CCDC170: variants seen among roughly 807,000 people sequenced by gnomAD.
CCDC170 encodes coiled-coil domain-containing protein 170.
In CCDC170, 69 loss-of-function variants were observed where a neutral mutation model predicts 72.6. The observed-to-expected ratio is 0.95, with a 90% CI of 0.78 to 1.16. CCDC170 has a LOEUF of 1.16. CCDC170 is among the 50% of genes most tolerant of loss of function. The pLI is 0.00. For missense variants in CCDC170, 852 were observed against 832.5 expected, an observed-to-expected ratio of 1.02 and a Z score of -0.29; for synonymous variants, 300 against 303.9, an observed-to-expected ratio of 0.99 and a Z score of 0.13.
At chr6:151,593,304 G>A (rs777832320) in intron 8 of CCDC170, 24 bp downstream of exon 8, 2 of 1,597,990 alleles carry the variant, frequency 1.3e-6, no homozygotes, top group Non-Finnish European at 1.7e-6. Context: ...AAACTTGCTA[G>A]TATTGAGAGA....
chr6:151,583,072 A>T (rs543463557), intron 6 of CCDC170, among the ~76,000 whole-genome samples: 214 of 139,078 alleles, frequency 1.5e-3, no homozygotes, highest in Non-Finnish European at 2.0e-3. Flanking sequence ...AGCTCACTGC[A>T]ACCTCTGCCT....
chr6:151,604,682 T>G (rs1776758499), intron 9 of CCDC170, among the ~76,000 whole-genome samples: 1 of 152,172 alleles, frequency 6.6e-6, no homozygotes, highest in Non-Finnish European at 1.5e-5. Context: ...GGAGGGGAAG[T>G]GAGCCCAGAC....
chr6:151,570,728 TTAC>T (rs1776207064), intron 5 of CCDC170, among the ~76,000 whole-genome samples: 2 of 152,206 alleles, frequency 1.3e-5, no homozygotes, highest in African/African-American at 2.4e-5. Flanking sequence ...CTGATACTAG[TTAC>T]TCTAATTGAG....
intron 7 of CCDC170, among the ~76,000 whole-genome samples, chr6:151,590,511 G>A (rs375691919): frequency 6.6e-6 from 1 of 152,304 alleles, no homozygotes; most frequent in South Asian, 2.1e-4. Context: ...TGGTAAGGAT[G>A]GATAGTATCA....
intron 1 of CCDC170, among the ~76,000 whole-genome samples, chr6:151,518,281 A>G (rs1782265490): frequency 6.6e-6 from 1 of 152,134 alleles, no homozygotes. Context: ...AAGCCAGCCC[A>G]TCTCCAGGGG....
At chr6:151,585,758 A>T in intron 6 of CCDC170, 131 bp from the exon 7 acceptor site, 1 of 741,064 alleles carries the variant, frequency 1.3e-6, no homozygotes, top group Non-Finnish European at 2.1e-6. Context: ...TACATATTTT[A>T]AATGGGATTT....
intron 7 of CCDC170, among the ~76,000 whole-genome samples, chr6:151,588,304 AAAAC>A (rs151018608): frequency 0.9 from 136,891 of 151,770 alleles, 61,893 homozygotes; most frequent in East Asian, 0.99. Context: ...CTGATAAGCT[AAAAC>A]AAACAAACAA....
chr6:151,615,196 C>A (rs531743651), intron 9 of CCDC170, among the ~76,000 whole-genome samples: 44 of 152,268 alleles, frequency 2.9e-4, no homozygotes. Flanking sequence ...ATTATGCTGT[C>A]TACAGTTTTA....
At chr6:151,552,769 T>C (rs1220729849) in intron 5 of CCDC170, among the ~76,000 whole-genome samples, 1 of 137,600 alleles carries the variant, frequency 7.3e-6, no homozygotes, top group African/African-American at 2.6e-5. Context: ...ACCAGCCAAA[T>C]CAGCCAATTC....
chr6:151,535,789 G>A (rs1782566221), intron 1 of CCDC170, among the ~76,000 whole-genome samples: 1 of 151,992 alleles, frequency 6.6e-6, no homozygotes, highest in Admixed American at 6.6e-5. Flanking sequence ...TCTATTGGCT[G>A]GGCTGGGGTG....
At chr6:151,561,637 T>A (rs1314005653) in intron 5 of CCDC170, among the ~76,000 whole-genome samples, 1 of 152,082 alleles carries the variant, frequency 6.6e-6, no homozygotes, top group Non-Finnish European at 1.5e-5. Flanking sequence ...CTAGGGGCCT[T>A]TAAGGTTTTT....
At chr6:151,560,945 G>A (rs2115073073) in intron 5 of CCDC170, among the ~76,000 whole-genome samples, 1 of 152,054 alleles carries the variant, frequency 6.6e-6, no homozygotes, top group South Asian at 2.1e-4. Flanking sequence ...GGAGCATTTA[G>A]GCCATTTATG....
chr6:151,621,072 G>T lies in CCDC170; in HGVS notation c.*2925G>T, dbSNP rs764954528. 1.3e-5 allele frequency: 2 copies of T among 152,120 alleles called. No homozygotes were observed. The highest frequency in any genetic ancestry group is 2.4e-5 in the African/African-American group (1 of 41,412). The allele number at this position is 152,120 out of a possible 1,614,324, so 9.4% of individuals were successfully genotyped here. ...TCTTTAGGGACTTCTAATGAAAAGG[G>T]TATATGAAATGGGAACAATAAATTC... On this transcript the variant is annotated 3_prime_UTR_variant, in exon 11 of 11. Transcript: ENST00000239374.
Position 151,522,028 on chromosome 6 carries a change from C to T in CCDC170, c.58-14290C>T, listed in dbSNP as rs149974384. 2.2e-3 allele frequency among the ~76,000 whole-genome samples: 326 copies of T among 148,702 alleles called. 2 individuals are homozygous for T. In the East Asian group the frequency reaches 0.03, roughly 14 times the overall value. Reference sequence around the variant, plus strand: ...AAAAAAAATTTGTTGGGCATGTTGGCATGTGCCTGTCATCCCAGCTACTCG... The same window carrying T: ...AAAAAAAATTTGTTGGGCATGTTGGTATGTGCCTGTCATCCCAGCTACTCG... On this transcript the variant is annotated intron_variant, in intron 1 of 10. Coordinates refer to ENST00000239374, the MANE Select transcript of CCDC170 (RefSeq NM_025059.4).
At chr6:151,515,871 T>C (rs1782227425) in intron 1 of CCDC170, among the ~76,000 whole-genome samples, 1 of 151,932 alleles carries the variant, frequency 6.6e-6, no homozygotes, top group African/African-American at 2.4e-5. Context: ...ATCAAGACCA[T>C]CCTGGCCAAC....
intron 9 of CCDC170, among the ~76,000 whole-genome samples, chr6:151,604,664 G>T (rs1037697044): frequency 6.6e-6 from 1 of 152,182 alleles, no homozygotes; most frequent in Non-Finnish European, 1.5e-5. Context: ...TGCTCTTACG[G>T]TAGGGAAGGA....
chr6:151,536,602 C>T (rs938636175), intron 2 of CCDC170, among the ~76,000 whole-genome samples, 156 bp downstream of exon 2: 5 of 151,902 alleles, frequency 3.3e-5, no homozygotes, highest in African/African-American at 1.2e-4. Flanking sequence ...TAGTGAAACT[C>T]TGTCTCTACT....
chr6:151,598,224 G>A (rs560598457), intron 9 of CCDC170, among the ~76,000 whole-genome samples: 12 of 152,302 alleles, frequency 7.9e-5, no homozygotes, highest in African/African-American at 2.9e-4. Context: ...TGCAACTTGA[G>A]ACTGACCTTT....
chr6:151,545,011 A>G (rs895530043), intron 4 of CCDC170, among the ~76,000 whole-genome samples: 3 of 152,138 alleles, frequency 2.0e-5, no homozygotes, highest in African/African-American at 7.2e-5. Flanking sequence ...CATTTGCTTT[A>G]GGGAGTTTTT....
Sources: allele counts gnomAD v4.1 joint callset (sites outside exome capture counted in the v4.1 genomes callset), GRCh38; gene constraint gnomAD v4.1.1; transcripts MANE v1.5; gene names NCBI Gene and HGNC (gene_info 2026-07-23, HGNC 2026-07-21).